The following GRK7 variants were observed in gnomAD, a reference collection of about 807,000 sequenced individuals.
GRK7 encodes rhodopsin kinase GRK7.
GRK7 carries 24 observed loss-of-function variants against 34.1 expected under a neutral mutation model. The ratio of observed to expected loss-of-function variants is 0.70; its 90% CI spans 0.51 to 0.99. The LOEUF is 0.99. Ranked by LOEUF, GRK7 falls within the 50% of genes least tolerant of loss-of-function variation. GRK7 has a pLI of 0.00. For synonymous variants in GRK7, 256 were observed against 279.4 expected, an observed-to-expected ratio of 0.92 and a Z score of 0.84; for missense variants, 644 against 707.3, an observed-to-expected ratio of 0.91 and a Z score of 1.02.
At chr3:141,798,886 A>G (rs1437388004) in intron 4 of GRK7, among the ~76,000 whole-genome samples, 2 of 152,192 alleles carry the variant, frequency 1.3e-5, no homozygotes, top group Non-Finnish European at 2.9e-5. Flanking sequence ...TGTCTTTAGG[A>G]CCAAGAGGTG....
chr3:141,807,142 T>C (rs1368690058), intron 4 of GRK7, among the ~76,000 whole-genome samples: 1 of 152,148 alleles, frequency 6.6e-6, no homozygotes, highest in Non-Finnish European at 1.5e-5. Flanking sequence ...GTTAATGTTA[T>C]TACATAGCAC....
At chr3:141,751,811 G>A in the GRK7 span, among the ~76,000 whole-genome samples, 1 of 152,210 alleles carries the variant, frequency 6.6e-6, no homozygotes, top group African/African-American at 2.4e-5. Context: ...GTCACATATG[G>A]ATAGTGGCTT....
chr3:141,800,889 T>G (rs1452553922), intron 4 of GRK7, among the ~76,000 whole-genome samples: 1 of 152,224 alleles, frequency 6.6e-6, no homozygotes, highest in African/African-American at 2.4e-5. Flanking sequence ...ATTATTAAAA[T>G]TCATTGAGCT....
chr3:141,754,587 C>T, the GRK7 span, among the ~76,000 whole-genome samples: 2 of 151,962 alleles, frequency 1.3e-5, no homozygotes, highest in Non-Finnish European at 2.9e-5. Flanking sequence ...ATTACAGGTG[C>T]ATGCCTCCCC....
intron 4 of GRK7, among the ~76,000 whole-genome samples, chr3:141,788,944 C>T (rs934635953): frequency 3.9e-5 from 6 of 152,108 alleles, no homozygotes; most frequent in East Asian, 3.9e-4. Context: ...AGCACTACTA[C>T]GCCTGGCTGA....
intron 4 of GRK7, among the ~76,000 whole-genome samples, chr3:141,805,777 C>T (rs187939274): frequency 1.1e-3 from 161 of 152,320 alleles, no homozygotes; most frequent in African/African-American, 3.9e-3. Flanking sequence ...AAATAAAACA[C>T]CTAATGCACA....
chr3:141,789,189 A>G (rs1312499694), intron 4 of GRK7, among the ~76,000 whole-genome samples: 1 of 152,344 alleles, frequency 6.6e-6, no homozygotes, highest in East Asian at 1.9e-4. Flanking sequence ...ACTATCAATC[A>G]GAGTTATTAT....
At position 141,781,021 on chromosome 3, in the gene GRK7, C is replaced by G. The variant is rs142447454; in HGVS notation, c.1050+210C>G. 2.0e-5 allele frequency among the ~76,000 whole-genome samples: 3 copies of G among 152,248 alleles called. No individual in the cohort carries two copies. In the East Asian group the frequency reaches 5.8e-4, roughly 29 times the overall value. The stretch of plus-strand genomic sequence containing the variant: ...TGAGGGCTACTTTGCTCTCCTCTCA[C>G]AGGGGATGGGGGAGCCTCCTTTGTG... On this transcript the variant is annotated intron_variant, in intron 4 of 5. Coordinates refer to ENST00000682958, the MANE Select transcript of GRK7 (RefSeq NM_139209.3).
At chr3:141,770,481 T>C (rs949623935) in intron 1 of GRK7, among the ~76,000 whole-genome samples, 1 of 152,118 alleles carries the variant, frequency 6.6e-6, no homozygotes, top group African/African-American at 2.4e-5. Flanking sequence ...CTTCAAATTA[T>C]TAAAAGTGGG....
intron 1 of GRK7, among the ~76,000 whole-genome samples, chr3:141,765,994 AG>A (rs2084578903): frequency 8.5e-5 from 13 of 152,174 alleles, no homozygotes; most frequent in Admixed American, 8.5e-4. Flanking sequence ...GCGTATATCA[AG>A]GGTCAGGCCC....
Position 141,778,176 on chromosome 3 carries a change from C to G in GRK7, c.-109C>G. The G allele has an allele frequency of 2.9e-6, 4 of 1,385,384 alleles. No homozygotes were observed. Among genetic ancestry groups the G allele is most frequent in the Non-Finnish European group, 3.9e-6 (4 of 1,018,812 alleles). 85.8% of individuals were successfully genotyped at this position (1,385,384 alleles called of 1,614,324 possible). A position where few individuals can be genotyped will look rare whatever the true frequency, so the allele number is the denominator to read the frequency against. ...CTCCACGGGTCCCACCCACAGGCCA[C>G]AGGACTCACTGTAAATCCCTTGGAC... On this transcript the variant is annotated 5_prime_UTR_variant, in exon 3 of 6. Transcript: ENST00000682958. The surrounding 1 kb of genome is among the most constrained non-coding windows in gnomAD (Gnocchi z 4.1).
the GRK7 span, among the ~76,000 whole-genome samples, chr3:141,755,591 A>C: frequency 6.6e-6 from 1 of 152,240 alleles, no homozygotes; most frequent in African/African-American, 2.4e-5. Context: ...AAATGTGCCC[A>C]TTATGCCTCA....
chr3:141,755,292 C>T, the GRK7 span, among the ~76,000 whole-genome samples: 1 of 152,136 alleles, frequency 6.6e-6, no homozygotes, highest in African/African-American at 2.4e-5. Flanking sequence ...CACTTGAGGC[C>T]AGGAGTTTGA....
intron 4 of GRK7, among the ~76,000 whole-genome samples, chr3:141,781,704 A>AT (rs1420220622): frequency 6.6e-6 from 1 of 152,194 alleles, no homozygotes; most frequent in African/African-American, 2.4e-5. Flanking sequence ...TTTAAATGAA[A>AT]ATATATGGAA....
chr3:141,780,499 C>A lies in GRK7; in HGVS notation c.738C>A (p.Val246=), dbSNP rs1441167683. The A allele has an allele frequency of 1.9e-6, 3 of 1,614,114 alleles. No individual in the cohort carries two copies. The highest frequency in any genetic ancestry group is 2.7e-5 in the African/African-American group (2 of 74,946). Residue 246 remains valine (V), a synonymous_variant, in exon 4 of 6, where the codon GTC becomes GTA. Coordinates refer to ENST00000682958, the MANE Select transcript of GRK7 (RefSeq NM_139209.3). ...TGGAAAAGGAAATCTTGGAGAAGGT[C>A]AGCAGCCCTTTCATTGTCTCTCTGG... ...ALLEKEILEK[V]SSPFIVSLAY...
intron 1 of GRK7, among the ~76,000 whole-genome samples, chr3:141,770,506 G>A (rs1015834679): frequency 8.6e-5 from 13 of 151,962 alleles, no homozygotes; most frequent in Admixed American, 8.5e-4. Context: ...GCTGTTGCTG[G>A]GAGGGTAAAG....
At chr3:141,789,284 G>A (rs896424114) in intron 4 of GRK7, among the ~76,000 whole-genome samples, 1 of 152,178 alleles carries the variant, frequency 6.6e-6, no homozygotes, top group African/African-American at 2.4e-5. Context: ...TGTCTGAGCA[G>A]TGTCCCTGGG....
intron 4 of GRK7, among the ~76,000 whole-genome samples, chr3:141,790,589 A>G (rs1410509315): frequency 1.1e-4 from 16 of 142,410 alleles, no homozygotes; most frequent in Middle Eastern, 3.9e-3. Context: ...TTTTAGATGG[A>G]GTCTTGCTCT....
Position 141,778,794 on chromosome 3 carries a change from C to T in GRK7, c.510C>T (p.Ala170=), listed in dbSNP as rs1559840497. The change falls in exon 3 of 6, where the codon GCC becomes GCT. Residue 170 remains alanine, a synonymous_variant. Transcript: ENST00000682958. The surrounding 1 kb of genome is among the most constrained non-coding windows in gnomAD (Gnocchi z 4.1). Reference sequence around the variant, plus strand: ...CCTTTAAGGATTTCGTGACCAGCGCCTTCTACGACAAGTTTCTGCAGTGGA... The same window carrying T: ...CCTTTAAGGATTTCGTGACCAGCGCTTTCTACGACAAGTTTCTGCAGTGGA... The part of the protein sequence containing the change: ...EQPFKDFVTS[A]FYDKFLQWKL... The T allele has an allele frequency of 3.1e-6, 5 of 1,608,316 alleles. No homozygotes were observed. The highest frequency in any genetic ancestry group is 1.3e-5 in the African/African-American group (1 of 74,732).
Sources: allele counts gnomAD v4.1 joint callset (sites outside exome capture counted in the v4.1 genomes callset), GRCh38; gene constraint gnomAD v4.1.1; non-coding constraint Gnocchi (gnomAD v3.1); transcripts MANE v1.5; gene names NCBI Gene and HGNC (gene_info 2026-07-23, HGNC 2026-07-21).